Variants in WIPI2 observed in about 807,000 individuals in gnomAD.
WIPI2 encodes the protein WD repeat domain phosphoinositide-interacting protein 2.
Under a neutral mutation model 52.3 loss-of-function variants are expected in WIPI2, and 28 were observed. That is an observed-to-expected ratio of 0.54 (90% confidence interval 0.40 to 0.73). WIPI2 has a LOEUF of 0.73. Ranked by LOEUF, WIPI2 falls within the 30% of genes least tolerant of loss-of-function variation. The probability of loss-of-function intolerance (pLI) is 0.00; values close to 1 mark genes in which losing one functional copy is unlikely to be tolerated. For synonymous variants in WIPI2, 268 were observed against 245.0 expected, an observed-to-expected ratio of 1.09 and a Z score of -0.88; for missense variants, 506 against 602.9, an observed-to-expected ratio of 0.84 and a Z score of 1.68.
intron 11 of WIPI2, among the ~76,000 whole-genome samples, 172 bp downstream of exon 11, chr7:5,228,383 A>G (rs960449680): frequency 1.3e-5 from 2 of 152,252 alleles, no homozygotes; most frequent in African/African-American, 4.8e-5. Flanking sequence ...GGTGAAATCA[A>G]TGCCGCCGCA....
At position 5,227,395 on chromosome 7, in the gene WIPI2, G is replaced by A. The variant is rs1397033733; in HGVS notation, c.1013+51G>A. The A allele has an allele frequency of 1.9e-6, 3 of 1,597,242 alleles. No individual in the cohort carries two copies. Among genetic ancestry groups the A allele is most frequent in the Non-Finnish European group, 2.6e-6 (3 of 1,174,798 alleles). ...CCCACCCCGTGTGCCTCAGGCCGAG[G>A]GGCCCAGTCCTGGCGGCTTGTGGCC... On this transcript the variant is annotated intron_variant, in intron 10 of 12. Transcript: ENST00000288828. This position sits in a 1 kb window ranked among gnomAD's most constrained non-coding sequence, Gnocchi z 8.1.
chr7:5,190,360 C>T lies in WIPI2; in HGVS notation c.-60C>T, dbSNP rs1366743194. ...GGCCCGGCGCCGACCCTGAGTGCAG[C>T]CTGACCCGCCCTCGCGCGCGCGCCC... On this transcript the variant is annotated 5_prime_UTR_variant, in exon 1 of 13. Coordinates refer to ENST00000288828, the MANE Select transcript of WIPI2 (RefSeq NM_015610.4). The T allele has an allele frequency of 1.6e-6, 2 of 1,252,452 alleles. No individual in the cohort carries two copies. Among genetic ancestry groups the T allele is most frequent in the Non-Finnish European group, 2.0e-6 (2 of 980,726 alleles). 77.6% of individuals were successfully genotyped at this position (1,252,452 alleles called of 1,614,324 possible). A position where few individuals can be genotyped will look rare whatever the true frequency, so the allele number is the denominator to read the frequency against.
chr7:5,202,371 T>C (rs912848349), intron 3 of WIPI2, among the ~76,000 whole-genome samples: 2 of 152,104 alleles, frequency 1.3e-5, no homozygotes, highest in African/African-American at 4.8e-5. Context: ...TTGCACATTG[T>C]TTATGGGCGC....
chr7:5,192,449 T>C (rs1781528807), intron 1 of WIPI2, among the ~76,000 whole-genome samples: 1 of 152,230 alleles, frequency 6.6e-6, no homozygotes, highest in African/African-American at 2.4e-5. Flanking sequence ...TCTCTTTTAC[T>C]GTTACTTCAG....
intron 3 of WIPI2, among the ~76,000 whole-genome samples, chr7:5,204,296 G>A (rs756273914): frequency 4.6e-5 from 7 of 152,042 alleles, no homozygotes; most frequent in African/African-American, 1.4e-4. Context: ...GTGAAACCGC[G>A]CCTCTACTAA....
intron 8 of WIPI2, among the ~76,000 whole-genome samples, chr7:5,224,623 A>T (rs745951122): frequency 3.9e-5 from 6 of 152,146 alleles, no homozygotes; most frequent in Non-Finnish European, 7.4e-5. Context: ...CTGGTCAGAG[A>T]TGAAATGTTA....
rs1468684819 is a variant in WIPI2, at chr7:5,233,431, C to G, written c.*2484C>G. 1.3e-5 allele frequency: 2 copies of G among 152,324 alleles called. No homozygotes were observed. The highest frequency in any genetic ancestry group is 2.9e-5 in the Non-Finnish European group (2 of 68,058). The allele number at this position is 152,324 out of a possible 1,614,324, so 9.4% of individuals were successfully genotyped here. A position where few individuals can be genotyped will look rare whatever the true frequency, so the allele number is the denominator to read the frequency against. On this transcript the variant is annotated 3_prime_UTR_variant, in exon 13 of 13. Coordinates refer to ENST00000288828, the MANE Select transcript of WIPI2 (RefSeq NM_015610.4). ...ACAGAACGTGTGCTAATTTTCCGAA[C>G]TCCAAACTGTACACTCATATTCATT...
rs768687653 is a variant in WIPI2, at chr7:5,230,913, G to A, written c.1331G>A (p.Ser444Asn). The A allele has an allele frequency of 4.3e-6, 7 of 1,613,778 alleles. 1 individual carries two copies. In the South Asian group the frequency reaches 7.7e-5, roughly 18 times the overall value. ...EASALRLDED[S>N]EHPPMILRTD ...AGCGCCCTGCGCCTGGATGAGGACA[G>A]CGAGCACCCGCCCATGATTCTTCGG... The change falls in exon 13 of 13, where the codon AGC (serine) becomes AAC (asparagine). Residue 444 changes from serine (S) to asparagine (N), a missense_variant. Coordinates refer to ENST00000288828, the MANE Select transcript of WIPI2 (RefSeq NM_015610.4). The surrounding 1 kb of genome is among the most constrained non-coding windows in gnomAD (Gnocchi z 4.8).
intron 7 of WIPI2, 135 bp from the exon 8 acceptor site, chr7:5,222,467 C>T (rs1014112052): frequency 3.4e-6 from 3 of 886,536 alleles, no homozygotes; most frequent in Non-Finnish European, 5.5e-6. Flanking sequence ...CCCTGGGGGA[C>T]CCCAGACTCC....
At chr7:5,210,759 T>A (rs1782516948) in intron 3 of WIPI2, among the ~76,000 whole-genome samples, 1 of 152,258 alleles carries the variant, frequency 6.6e-6, no homozygotes, top group African/African-American at 2.4e-5. Flanking sequence ...GATTAGCGAA[T>A]CATGAAGTGT....
chr7:5,202,967 C>G (rs1019926357), intron 3 of WIPI2, among the ~76,000 whole-genome samples: 1 of 152,178 alleles, frequency 6.6e-6, no homozygotes, highest in African/African-American at 2.4e-5. Flanking sequence ...ATTTGCTAAA[C>G]TGGATTCTGA....
chr7:5,217,784 A>G, intron 6 of WIPI2, 138 bp from the exon 7 acceptor site: 1 of 793,952 alleles, frequency 1.3e-6, no homozygotes, highest in Non-Finnish European at 2.1e-6. Context: ...GCCCCAGTAA[A>G]TCAAGTGGGT....
intron 5 of WIPI2, 91 bp from the exon 6 acceptor site, chr7:5,216,999 C>A: frequency 7.7e-7 from 1 of 1,297,028 alleles, no homozygotes; most frequent in Non-Finnish European, 1.1e-6. Context: ...GTTCCTAATG[C>A]TCTGTTAAAT....
chr7:5,217,957 T>G lies in WIPI2; in HGVS notation c.612T>G (p.Pro204=). ...ACATGATTCCGGCTCACGACAGTCC[T>G]TTAGCGGCACTGGCCTTTGACGCAA... ...AANMIPAHDS[P]LAALAFDASG... Residue 204 remains proline (P), a synonymous_variant, in exon 7 of 13, where the codon CCT becomes CCG. Coordinates refer to ENST00000288828, the MANE Select transcript of WIPI2 (RefSeq NM_015610.4). The G allele has an allele frequency of 6.2e-7, 1 of 1,614,250 alleles. No homozygotes were observed. The highest frequency in any genetic ancestry group is 8.5e-7 in the Non-Finnish European group (1 of 1,180,040).
chr7:5,209,354 C>T lies in WIPI2; in HGVS notation c.212-5181C>T, dbSNP rs147570464. Among the ~76,000 whole-genome samples the T allele has an allele frequency of 2.6e-5, 4 of 152,212 alleles. No homozygotes were observed. In the East Asian group the frequency reaches 7.7e-4, roughly 29 times the overall value. ...AAGTAAGGAGAGTGGGTATCCTTGC[C>T]TTGTTTCTAGTCTTAACGGGAAGAG... On this transcript the variant is annotated intron_variant, in intron 3 of 12. Coordinates refer to ENST00000288828, the MANE Select transcript of WIPI2 (RefSeq NM_015610.4).
rs1449073910 is a variant in WIPI2 at position 5,193,137 on chromosome 7, A to G, written c.94A>G (p.Arg32Gly). The change falls in exon 2 of 13, where the codon AGA becomes GGA. Residue 32 changes from arginine to glycine, a missense_variant. By Grantham distance (125) the Arg-to-Gly change is moderately radical. Around this residue, in one of 4 missense-constraint regions of WIPI2, gnomAD observed 60 missense variants for 49.7 expected, o/e 1.21. Transcript: ENST00000288828. ...QDNTEVKGAS[R>G]AAGLGRRAVV... ...ACCTAGAGAAGTGAAAGGGGCATCAAGAGCAGCTGGTCTTGGCCGTCGCGC... is the reference window on the plus strand; with the variant it reads ...ACCTAGAGAAGTGAAAGGGGCATCAGGAGCAGCTGGTCTTGGCCGTCGCGC... The G allele has an allele frequency of 1.2e-6, 2 of 1,614,076 alleles. No homozygotes were observed. The highest frequency in any genetic ancestry group is 1.7e-6 in the Non-Finnish European group (2 of 1,180,000).
intron 2 of WIPI2, among the ~76,000 whole-genome samples, chr7:5,196,380 A>G (rs1401435855): frequency 6.6e-6 from 1 of 152,164 alleles, no homozygotes; most frequent in Non-Finnish European, 1.5e-5. Context: ...ATCTTTACTG[A>G]TAAAGTGTAC....
chr7:5,228,492 G>A lies in WIPI2; in HGVS notation c.1121+281G>A, dbSNP rs371386654. Among the ~76,000 whole-genome samples, 23 of 152,308 alleles carry A rather than the reference G, an allele frequency of 1.5e-4. No individual in the cohort carries two copies. The East Asian group carries it at 4.5e-3, about 29-fold the overall frequency. ...GTGGCGGGAGCCGCATTTGTTCTTA[G>A]GTGGGGGAGAGGTGCTGGGAGGCCA... On this transcript the variant is annotated intron_variant, in intron 11 of 12. Transcript: ENST00000288828.
intron 3 of WIPI2, among the ~76,000 whole-genome samples, chr7:5,200,911 G>A (rs1166014358): frequency 3.3e-5 from 5 of 152,222 alleles, no homozygotes; most frequent in East Asian, 1.9e-4. Context: ...CAGCGTCCCT[G>A]ACTCATGGCT....
Sources: gnomAD v4.1 joint callset for allele counts (sites outside exome capture counted in the v4.1 genomes callset) on GRCh38, gnomAD v4.1.1 for gene constraint, gnomAD v4.1.1 regional missense constraint, Gnocchi (gnomAD v3.1) non-coding constraint, MANE v1.5 for transcripts, NCBI Gene and HGNC (gene_info 2026-07-23, HGNC 2026-07-21) for gene names.